Variants in RET observed in about 807,000 individuals in gnomAD.
RET encodes ret proto-oncogene, also known as proto-oncogene tyrosine-protein kinase receptor Ret.
RET carries 19 observed loss-of-function variants against 118.3 expected under a neutral mutation model. The observed-to-expected ratio is 0.16, with a 90% CI of 0.11 to 0.24. RET has a LOEUF of 0.24. Ranked by LOEUF, RET falls within the 10% of genes least tolerant of loss-of-function variation. The probability of loss-of-function intolerance (pLI) is 1.00; values close to 1 mark genes in which losing one functional copy is unlikely to be tolerated. For missense variants in RET, 1,219 were observed against 1,502.1 expected (o/e 0.81, Z 3.12); for synonymous variants, 597 against 644.1 (o/e 0.93, Z 1.11).
intron 9 of RET, among the ~76,000 whole-genome samples, chr10:43,113,283 T>C (rs1162214660): frequency 6.6e-6 from 1 of 152,162 alleles, no homozygotes; most frequent in African/African-American, 2.4e-5. Flanking sequence ...GACACTGCAA[T>C]GTGCGGGTCA....
At chr10:43,115,733 A>C (rs542643998) in intron 11 of RET, among the ~76,000 whole-genome samples, 1 of 152,360 alleles carries the variant, frequency 6.6e-6, no homozygotes, top group African/African-American at 2.4e-5. Flanking sequence ...CCATGACTCA[A>C]CCTCAGTATT....
At chr10:43,103,901 G>A (rs181389923) in intron 3 of RET, among the ~76,000 whole-genome samples, 6 of 152,352 alleles carry the variant, frequency 3.9e-5, no homozygotes, top group Admixed American at 3.9e-4. Flanking sequence ...CTTGGGGTGG[G>A]TTGTGGGGTC....
intron 16 of RET, among the ~76,000 whole-genome samples, chr10:43,122,618 G>T (rs907200140): frequency 4.6e-5 from 7 of 151,956 alleles, no homozygotes; most frequent in South Asian, 2.1e-4. Flanking sequence ...CTTTTTTTGT[G>T]GGGGGAGGGG....
intron 3 of RET, among the ~76,000 whole-genome samples, chr10:43,103,068 C>T (rs185317457): frequency 1.3e-5 from 2 of 152,270 alleles, no homozygotes; most frequent in African/African-American, 4.8e-5. Context: ...GGCCTAGCCC[C>T]TTGGAGGGCA....
chr10:43,092,226 C>G (rs1336970081), intron 1 of RET, among the ~76,000 whole-genome samples: 1 of 152,202 alleles, frequency 6.6e-6, no homozygotes, highest in African/African-American at 2.4e-5. Flanking sequence ...CACAGAAGGA[C>G]AAGCACTGTA....
At chr10:43,113,107 G>C in intron 9 of RET, 144 bp downstream of exon 9, 1 of 754,794 alleles carries the variant, frequency 1.3e-6, no homozygotes, top group Non-Finnish European at 2.3e-6. Flanking sequence ...CATCACCCTA[G>C]CCATGGGGAG....
intron 13 of RET, among the ~76,000 whole-genome samples, chr10:43,118,961 A>G (rs1462440871): frequency 6.6e-6 from 1 of 152,228 alleles, no homozygotes; most frequent in Non-Finnish European, 1.5e-5. Flanking sequence ...TTGGTTTTCC[A>G]AACCACCATG....
chr10:43,115,283 G>A (rs774237586), intron 11 of RET, among the ~76,000 whole-genome samples: 6 of 152,184 alleles, frequency 3.9e-5, no homozygotes, highest in East Asian at 1.9e-4. Flanking sequence ...ATAGCTCCTC[G>A]GCAGGAGCCT....
At chr10:43,096,499 G>A (rs1317474106) in intron 1 of RET, among the ~76,000 whole-genome samples, 1 of 152,158 alleles carries the variant, frequency 6.6e-6, no homozygotes, top group African/African-American at 2.4e-5. Context: ...TCTGCACCCA[G>A]TGGCTGAGTC....
chr10:43,097,578 C>T (rs1837547594), intron 1 of RET, among the ~76,000 whole-genome samples: 1 of 152,172 alleles, frequency 6.6e-6, no homozygotes, highest in South Asian at 2.1e-4. Flanking sequence ...GGACCCTCCT[C>T]GCCCTGTGAG....
chr10:43,097,205 A>G (rs947084071), intron 1 of RET, among the ~76,000 whole-genome samples: 1 of 152,140 alleles, frequency 6.6e-6, no homozygotes, highest in Non-Finnish European at 1.5e-5. Context: ...TCCCTGGACC[A>G]CTAAAGGTGC....
intron 18 of RET, 69 bp from the exon 19 acceptor site, chr10:43,126,506 T>C: frequency 7.3e-7 from 1 of 1,372,318 alleles, no homozygotes; most frequent in Non-Finnish European, 1.0e-6. Context: ...TGAGGATGGC[T>C]TGTTGTATAC....
Position 43,077,501 on chromosome 10 carries a change from GAA to G in RET, c.73+171_73+172del, listed in dbSNP as rs1425791427. On this transcript the variant is annotated intron_variant, in intron 1 of 19. Transcript: ENST00000355710. ...GCAGTGGCTGCGGCGGGCGGCGGGC[GAA>G]GGGCAGGACGCCTCGGGCCGGGCGC... is the stretch of plus-strand genomic sequence containing the variant. Among the ~76,000 whole-genome samples, 55,363 of 148,866 alleles carry G rather than the reference GAA, an allele frequency of 0.37. 10,533 individuals are homozygous for G. Among genetic ancestry groups the G allele is most frequent in the South Asian group, 0.41 (1,992 of 4,804 alleles).
At chr10:43,128,034 G>A in intron 19 of RET, 78 bp from the exon 20 acceptor site, 1 of 1,498,156 alleles carries the variant, frequency 6.7e-7, no homozygotes, top group Non-Finnish European at 9.3e-7. Context: ...ATCAAAGGGA[G>A]TTTTGCCAAG....
At chr10:43,101,527 C>G (rs1343215645) in intron 2 of RET, among the ~76,000 whole-genome samples, 2 of 152,256 alleles carry the variant, frequency 1.3e-5, no homozygotes, top group Non-Finnish European at 2.9e-5. Flanking sequence ...GAGGCAGCAT[C>G]TGAGGTTGGT....
At chr10:43,103,392 G>A (rs1045155093) in intron 3 of RET, among the ~76,000 whole-genome samples, 7 of 152,142 alleles carry the variant, frequency 4.6e-5, no homozygotes, top group African/African-American at 1.2e-4. Flanking sequence ...GTGTGATGCC[G>A]GGATACGGGT....
Position 43,114,693 on chromosome 10 carries a change from A to ACTCCATGGAGAACCAGGT in RET, c.2098_2115dup (p.Met700_Ser705dup), listed in dbSNP as rs1345270276. The ACTCCATGGAGAACCAGGT allele has an allele frequency of 1.2e-6, 2 of 1,611,024 alleles. No individual in the cohort carries two copies. On this transcript the variant is annotated inframe_insertion, in exon 11 of 20. Transcript: ENST00000355710. This position sits in a 1 kb window ranked among gnomAD's most constrained non-coding sequence, Gnocchi z 4.6. ...TCCGGTGCCCGCCGGCCCTCGCTGG[A>ACTCCATGGAGAACCAGGT]CTCCATGGAGAACCAGGTCTCCGTG...
intron 19 of RET, chr10:43,127,081 A>G (rs1193888114): frequency 8.3e-7 from 1 of 1,200,540 alleles, no homozygotes. Flanking sequence ...AAGTGGATAA[A>G]TATACAAATC....
At chr10:43,110,227 G>A (rs745818306) in intron 6 of RET, among the ~76,000 whole-genome samples, 4 of 152,226 alleles carry the variant, frequency 2.6e-5, no homozygotes, top group Admixed American at 6.5e-5. Context: ...TCTGTCAGGA[G>A]CAACGGGGGC....
Sources: gnomAD v4.1 joint callset for allele counts (sites outside exome capture counted in the v4.1 genomes callset) on GRCh38, gnomAD v4.1.1 for gene constraint, Gnocchi (gnomAD v3.1) non-coding constraint, MANE v1.5 for transcripts, NCBI Gene and HGNC (gene_info 2026-07-23, HGNC 2026-07-21) for gene names.